Variants in CDH2 observed in about 807,000 individuals in gnomAD.
CDH2 encodes the protein cadherin-2.
CDH2 carries 17 observed loss-of-function variants against 92.0 expected under a neutral mutation model. The ratio of observed to expected loss-of-function variants is 0.18; its 90% CI spans 0.13 to 0.28. The LOEUF is 0.28. Among genes scored for constraint, CDH2 ranks in the 10% least tolerant of loss-of-function variants. The pLI, the probability that CDH2 is intolerant of heterozygous loss-of-function variation, is 1.00. For missense variants in CDH2, 862 were observed against 1,133.1 expected (o/e 0.76, Z 3.44); for synonymous variants, 419 against 415.9 (o/e 1.01, Z -0.09).
intron 1 of CDH2, among the ~76,000 whole-genome samples, chr18:28,159,813 C>T (rs1027527090): frequency 6.6e-6 from 1 of 152,114 alleles, no homozygotes; most frequent in African/African-American, 2.4e-5. Context: ...TCCTATACCA[C>T]GCCCAGCTAA....
intron 9 of CDH2, 65 bp downstream of exon 9, chr18:27,992,590 G>A: frequency 1.5e-6 from 2 of 1,313,430 alleles, no homozygotes; most frequent in Non-Finnish European, 2.1e-6. Flanking sequence ...AACAATGAGT[G>A]GGGGACATAT....
At chr18:27,960,954 CCG>C (rs1358666636) in intron 15 of CDH2, among the ~76,000 whole-genome samples, 3 of 151,556 alleles carry the variant, frequency 2.0e-5, no homozygotes, top group African/African-American at 4.9e-5. Context: ...CCTACTGTGG[CCG>C]AGAAGGGTTG....
chr18:27,984,747 G>A (rs1286870599), intron 13 of CDH2, among the ~76,000 whole-genome samples: 1 of 152,180 alleles, frequency 6.6e-6, no homozygotes, highest in Admixed American at 6.5e-5. Flanking sequence ...TAAGCAATAA[G>A]CATGAGAAAG....
At chr18:27,965,346 C>T (rs1307861019) in intron 14 of CDH2, among the ~76,000 whole-genome samples, 3 of 152,180 alleles carry the variant, frequency 2.0e-5, no homozygotes, top group East Asian at 1.9e-4. Context: ...CAATGTGATG[C>T]GGAAAGCGAG....
intron 2 of CDH2, among the ~76,000 whole-genome samples, chr18:28,047,638 G>A (rs1013150023): frequency 2.6e-5 from 4 of 152,098 alleles, no homozygotes; most frequent in Non-Finnish European, 5.9e-5. Flanking sequence ...GGAGGCCGAG[G>A]TGGGTGGATC....
At chr18:28,036,649 G>A (rs2013837421) in intron 2 of CDH2, 6 of 806,970 alleles carry the variant, frequency 7.4e-6, no homozygotes, top group African/African-American at 1.7e-5. Context: ...TTGAGCTGAC[G>A]GAAATGCCGA....
chr18:28,053,674 C>T (rs186377554), intron 2 of CDH2, among the ~76,000 whole-genome samples: 56 of 152,250 alleles, frequency 3.7e-4, no homozygotes, highest in African/African-American at 1.2e-3. Context: ...CCCCAGAGTT[C>T]GTTCTGGTTC....
At chr18:27,959,991 A>G (rs1373285765) in intron 15 of CDH2, among the ~76,000 whole-genome samples, 1 of 149,286 alleles carries the variant, frequency 6.7e-6, no homozygotes, top group Admixed American at 6.8e-5. Context: ...CTCCAGCCTG[A>G]GCAACAGAGA....
At chr18:28,085,017 T>G (rs2144198496) in intron 2 of CDH2, among the ~76,000 whole-genome samples, 1 of 152,288 alleles carries the variant, frequency 6.6e-6, no homozygotes, top group Admixed American at 6.5e-5. Flanking sequence ...TCTACTCTTC[T>G]ATCTAAAATA....
chr18:28,117,563 T>C (rs2015516343), intron 2 of CDH2, among the ~76,000 whole-genome samples: 3 of 152,162 alleles, frequency 2.0e-5, no homozygotes, highest in South Asian at 4.1e-4. Context: ...ACAAAGAGTT[T>C]AAACTATCAA....
intron 2 of CDH2, among the ~76,000 whole-genome samples, chr18:28,105,767 A>G (rs1182807592): frequency 6.6e-6 from 1 of 152,174 alleles, no homozygotes; most frequent in Non-Finnish European, 1.5e-5. Context: ...TTAAAATATA[A>G]TTACATTCAT....
At chr18:28,016,478 T>C (rs2013249459) in intron 2 of CDH2, among the ~76,000 whole-genome samples, 1 of 152,168 alleles carries the variant, frequency 6.6e-6, no homozygotes, top group Non-Finnish European at 1.5e-5. Flanking sequence ...CAAAAAATTC[T>C]ACTTTTTATT....
In CDH2 at chr18:27,988,682, G is replaced by C. The variant is rs2012313823; in HGVS notation, c.1599-16C>G. 6.4e-7 allele frequency: 1 copy of C among 1,564,486 alleles called. No individual in the cohort carries two copies. The highest frequency in any genetic ancestry group is 1.1e-5 in the South Asian group (1 of 88,116). ...TTTAGTGTATCTACAAAATGAAAGTGAAGTTTAATTTCTTTTTATGAAACT... is the reference window on the plus strand; with the variant it reads ...TTTAGTGTATCTACAAAATGAAAGTCAAGTTTAATTTCTTTTTATGAAACT... On this transcript the variant is annotated splice_polypyrimidine_tract_variant and intron_variant, in intron 10 of 15. Coordinates refer to ENST00000269141, the MANE Select transcript of CDH2 (RefSeq NM_001792.5).
rs544146236 is a variant in CDH2 at position 28,050,629 on chromosome 18, T to C, written c.173-36720A>G. On this transcript the variant is annotated intron_variant, in intron 2 of 15. Transcript: ENST00000269141. Reference sequence around the variant, plus strand: ...ATTTCAGAGTAAGATTTTTTTCTATTTAAAAATGTTTAAAGGGGAAACCAG... The same window carrying C: ...ATTTCAGAGTAAGATTTTTTTCTATCTAAAAATGTTTAAAGGGGAAACCAG... Among the ~76,000 whole-genome samples, 364 of 152,304 alleles carry C rather than the reference T, an allele frequency of 2.4e-3. 3 individuals are homozygous for C. The highest frequency in any genetic ancestry group is 7.8e-3 in the African/African-American group (323 of 41,560).
chr18:28,011,671 T>G (rs1382928447), intron 4 of CDH2, among the ~76,000 whole-genome samples, 175 bp downstream of exon 4: 1 of 152,070 alleles, frequency 6.6e-6, no homozygotes, highest in Admixed American at 6.6e-5. Context: ...ATCCAAAAGG[T>G]AACAAAGAAA....
At chr18:28,044,543 C>G (rs1436327599) in intron 2 of CDH2, among the ~76,000 whole-genome samples, 1 of 152,176 alleles carries the variant, frequency 6.6e-6, no homozygotes, top group African/African-American at 2.4e-5. Context: ...TTCCAATATT[C>G]TCTGTTATGA....
chr18:27,999,224 G>T (rs1391985520), intron 7 of CDH2, among the ~76,000 whole-genome samples: 1 of 152,146 alleles, frequency 6.6e-6, no homozygotes, highest in Admixed American at 6.5e-5. Flanking sequence ...GGCATCATTT[G>T]TATGTGAAAG....
intron 11 of CDH2, 85 bp downstream of exon 11, chr18:27,988,439 T>G: frequency 8.2e-7 from 1 of 1,215,442 alleles, no homozygotes; most frequent in Non-Finnish European, 1.2e-6. Flanking sequence ...GGCAATTGAG[T>G]TTTGTAGAAA....
intron 15 of CDH2, among the ~76,000 whole-genome samples, chr18:27,959,836 A>G (rs1472901493): frequency 1.3e-5 from 2 of 151,908 alleles, no homozygotes; most frequent in African/African-American, 2.4e-5. Flanking sequence ...ACATTTCTCT[A>G]TCTTGTAATT....
Sources: allele counts gnomAD v4.1 joint callset (sites outside exome capture counted in the v4.1 genomes callset), GRCh38; gene constraint gnomAD v4.1.1; transcripts MANE v1.5; gene names NCBI Gene and HGNC (gene_info 2026-07-23, HGNC 2026-07-21).